The following NBEA variants were observed in gnomAD, a reference collection of about 807,000 sequenced individuals.
NBEA encodes lysosomal-trafficking regulator 2.
NBEA carries 44 observed loss-of-function variants against 343.4 expected under a neutral mutation model. That is an observed-to-expected ratio of 0.13 (90% confidence interval 0.10 to 0.16). The LOEUF (loss-of-function observed/expected upper bound fraction) is 0.16, where lower values mean the gene tolerates loss of function less well. NBEA is among the 10% of genes least tolerant of loss of function. The pLI is 1.00. For missense variants in NBEA, 2,555 were observed against 3,631.3 expected, an observed-to-expected ratio of 0.70 and a Z score of 7.62; for synonymous variants, 1,175 against 1,238.7, an observed-to-expected ratio of 0.95 and a Z score of 1.08.
chr13:35,122,398 T>G (rs1487793812), intron 16 of NBEA, among the ~76,000 whole-genome samples: 7 of 151,874 alleles, frequency 4.6e-5, no homozygotes, highest in South Asian at 2.1e-4. Context: ...CCATAAAAAA[T>G]GATGAGTTCA....
chr13:34,981,064 T>C (rs748393711), intron 1 of NBEA, among the ~76,000 whole-genome samples: 1 of 152,168 alleles, frequency 6.6e-6, no homozygotes, highest in Non-Finnish European at 1.5e-5. Context: ...AATAATATGC[T>C]AATTTGTAGT....
At position 35,652,503 on chromosome 13, in the gene NBEA, C is replaced by T. The variant is rs573760542; in HGVS notation, c.8035+627C>T. ...AAAATATAAAAAAATTAGCCAGGCG[C>T]GGTGGCGGGCACCTGTAGTCCCAGC... On this transcript the variant is annotated intron_variant, in intron 53 of 58. Transcript: ENST00000379939. Among the ~76,000 whole-genome samples the T allele has an allele frequency of 1.4e-4, 21 of 150,010 alleles. No individual in the cohort carries two copies. In the East Asian group the frequency reaches 1.6e-3, roughly 12 times the overall value.
At chr13:35,646,542 A>C (rs2084241984) in intron 51 of NBEA, among the ~76,000 whole-genome samples, 194 bp downstream of exon 51, 1 of 152,254 alleles carries the variant, frequency 6.6e-6, no homozygotes, top group Non-Finnish European at 1.5e-5. Flanking sequence ...AGTCCTACTT[A>C]AGCTGTCCCA....
intron 41 of NBEA, among the ~76,000 whole-genome samples, chr13:35,477,595 C>A (rs1447917513): frequency 6.6e-6 from 1 of 152,112 alleles, no homozygotes; most frequent in Non-Finnish European, 1.5e-5. Context: ...ATCAAGCTTC[C>A]TCACAGATAA....
chr13:35,599,949 C>T lies in NBEA; in HGVS notation c.7297-6477C>T, dbSNP rs148593816. ...ATTAGTTTAGGTAATATATGTTAGTCCATATATATGTCAACTTTAAATAAC... is the reference window on the plus strand; with the variant it reads ...ATTAGTTTAGGTAATATATGTTAGTTCATATATATGTCAACTTTAAATAAC... On this transcript the variant is annotated intron_variant, in intron 47 of 58. Transcript: ENST00000379939. Among the ~76,000 whole-genome samples the T allele has an allele frequency of 3.9e-5, 6 of 152,190 alleles. No individual in the cohort carries two copies. The East Asian group carries it at 1.2e-3, about 29-fold the overall frequency.
At chr13:35,416,534 A>T (rs1209157396) in intron 38 of NBEA, among the ~76,000 whole-genome samples, 1 of 152,196 alleles carries the variant, frequency 6.6e-6, no homozygotes, top group African/African-American at 2.4e-5. Flanking sequence ...ATGATGGATT[A>T]CATTTATTGA....
chr13:35,492,944 A>G (rs539833616), intron 41 of NBEA, among the ~76,000 whole-genome samples: 2 of 152,082 alleles, frequency 1.3e-5, no homozygotes, highest in East Asian at 1.9e-4. Context: ...TTCTAAATAG[A>G]TAAGTGACTG....
intron 34 of NBEA, among the ~76,000 whole-genome samples, chr13:35,281,936 G>T (rs546149954): frequency 1.1e-4 from 16 of 151,666 alleles, no homozygotes; most frequent in Non-Finnish European, 1.2e-4. Context: ...ATTTTGAGAC[G>T]GAGTCTTACT....
chr13:35,154,729 A>G (rs1442473326), intron 18 of NBEA, among the ~76,000 whole-genome samples: 1 of 152,110 alleles, frequency 6.6e-6, no homozygotes, highest in Non-Finnish European at 1.5e-5. Flanking sequence ...TCTTTCCTTT[A>G]TTTGGTCAAC....
In NBEA at chr13:35,207,246, AT is replaced by A. The variant is rs573505709; in HGVS notation, c.5367-1452del. On this transcript the variant is annotated intron_variant, in intron 31 of 58. Transcript: ENST00000379939. ...TATTTGTGGAAAAAAAAGTGTTGAT[AT>A]TAAGGAAGTTTAAGCAACAAACTTA... 4.0e-3 allele frequency among the ~76,000 whole-genome samples: 614 copies of A among 152,202 alleles called. 1 individual carries two copies. Among genetic ancestry groups the A allele is most frequent in the Middle Eastern group, 0.031 (9 of 294 alleles).
At chr13:35,323,672 A>G (rs2038340500) in intron 36 of NBEA, among the ~76,000 whole-genome samples, 2 of 151,876 alleles carry the variant, frequency 1.3e-5, no homozygotes, top group Non-Finnish European at 2.9e-5. Context: ...TATGTAACTA[A>G]CCTGCACATT....
chr13:35,385,459 G>A (rs1221240441), intron 38 of NBEA, among the ~76,000 whole-genome samples: 2 of 152,138 alleles, frequency 1.3e-5, no homozygotes, highest in Middle Eastern at 3.2e-3. Flanking sequence ...CAAAGCTTTG[G>A]GAGTGCAGAG....
intron 41 of NBEA, among the ~76,000 whole-genome samples, chr13:35,539,164 A>G (rs1210816647): frequency 1.3e-5 from 2 of 152,208 alleles, no homozygotes; most frequent in African/African-American, 2.4e-5. Flanking sequence ...TCCTGCCCTC[A>G]GTGAGTCAAT....
chr13:34,984,312 C>T (rs1474696114), intron 1 of NBEA, among the ~76,000 whole-genome samples: 2 of 152,088 alleles, frequency 1.3e-5, no homozygotes, highest in East Asian at 1.9e-4. Flanking sequence ...ATCCTTTCCC[C>T]ATTGCTTGTT....
intron 35 of NBEA, among the ~76,000 whole-genome samples, chr13:35,306,306 T>C (rs1386777483): frequency 1.3e-5 from 2 of 152,122 alleles, no homozygotes; most frequent in African/African-American, 2.4e-5. Context: ...GAAATTCCTT[T>C]GATAATTTCT....
intron 16 of NBEA, among the ~76,000 whole-genome samples, chr13:35,120,162 C>A (rs896555833): frequency 6.6e-6 from 1 of 152,074 alleles, no homozygotes; most frequent in Non-Finnish European, 1.5e-5. Context: ...TGATGAAATG[C>A]AGAAATATAA....
At chr13:35,577,365 G>T (rs1431946515) in intron 45 of NBEA, among the ~76,000 whole-genome samples, 1 of 152,148 alleles carries the variant, frequency 6.6e-6, no homozygotes, top group East Asian at 1.9e-4. Context: ...AAGGCATAAT[G>T]AATGCTAAAC....
At chr13:35,098,533 A>G in intron 11 of NBEA, 128 bp downstream of exon 11, 1 of 571,522 alleles carries the variant, frequency 1.7e-6, no homozygotes, top group Non-Finnish European at 3.0e-6. Context: ...GCTAATTCAC[A>G]AACGTCTTAG....
At chr13:35,164,330 A>T in intron 23 of NBEA, 26 bp from the exon 24 acceptor site, 1 of 1,548,814 alleles carries the variant, frequency 6.5e-7, no homozygotes. Flanking sequence ...GCCAAAACAT[A>T]CTCATTTCTG....
Sources: gnomAD v4.1 joint callset for allele counts (sites outside exome capture counted in the v4.1 genomes callset) on GRCh38, gnomAD v4.1.1 for gene constraint, MANE v1.5 for transcripts, NCBI Gene and HGNC (gene_info 2026-07-23, HGNC 2026-07-21) for gene names.